Variants in ROR1 observed in about 807,000 individuals in gnomAD.
ROR1 encodes the protein ROR family WNT receptor 1.
A neutral mutation model predicts 78.8 loss-of-function variants in ROR1; 19 were observed. That is an observed-to-expected ratio of 0.24 (90% confidence interval 0.17 to 0.35). The LOEUF (loss-of-function observed/expected upper bound fraction) is 0.35, where lower values mean the gene tolerates loss of function less well. Among genes scored for constraint, ROR1 ranks in the 10% least tolerant of loss-of-function variants. The pLI, the probability that ROR1 is intolerant of heterozygous loss-of-function variation, is 1.00. For missense variants in ROR1, 917 were observed against 1,177.8 expected, an observed-to-expected ratio of 0.78 and a Z score of 3.24; for synonymous variants, 386 against 433.6, an observed-to-expected ratio of 0.89 and a Z score of 1.36.
chr1:63,805,814 A>G (rs1441071966), intron 1 of ROR1, among the ~76,000 whole-genome samples: 1 of 152,182 alleles, frequency 6.6e-6, no homozygotes, highest in Non-Finnish European at 1.5e-5. Context: ...ACAGGAGTTC[A>G]TGACCAGCCT....
At chr1:63,777,977 A>T (rs1385621432) in intron 1 of ROR1, among the ~76,000 whole-genome samples, 1 of 152,170 alleles carries the variant, frequency 6.6e-6, no homozygotes, top group African/African-American at 2.4e-5. Flanking sequence ...ATTTTCAAGG[A>T]TTTTTCCTTT....
At position 63,871,834 on chromosome 1, in the gene ROR1, A is replaced by G. The variant is rs1645253505; in HGVS notation, c.91+97326A>G. Among the ~76,000 whole-genome samples the G allele has an allele frequency of 1.3e-5, 2 of 152,214 alleles. 1 individual carries two copies. Among genetic ancestry groups the G allele is most frequent in the South Asian group, 4.1e-4 (2 of 4,832 alleles). The stretch of plus-strand genomic sequence containing the variant: ...TGGAATGGAAACCATCCAGAAAATG[A>G]TTAGGGAGCTTGAAGCTCTCTGAAA... On this transcript the variant is annotated intron_variant, in intron 1 of 8. Coordinates refer to ENST00000371079, the MANE Select transcript of ROR1 (RefSeq NM_005012.4).
chr1:63,941,311 T>C (rs1645837902), intron 1 of ROR1, among the ~76,000 whole-genome samples: 2 of 152,182 alleles, frequency 1.3e-5, no homozygotes, highest in African/African-American at 4.8e-5. Flanking sequence ...TATTCATCTG[T>C]AGTTCAGAAA....
intron 7 of ROR1, among the ~76,000 whole-genome samples, chr1:64,143,913 T>C (rs534909525): frequency 6.6e-6 from 1 of 152,250 alleles, no homozygotes; most frequent in African/African-American, 2.4e-5. Context: ...CTGACTTATA[T>C]GTTTGAAGGC....
At chr1:63,926,182 G>A (rs865830741) in intron 1 of ROR1, among the ~76,000 whole-genome samples, 10 of 148,674 alleles carry the variant, frequency 6.7e-5, no homozygotes, top group Admixed American at 3.4e-4. Flanking sequence ...ATCTTGAATT[G>A]ATTTTTGTAT....
At chr1:64,118,673 A>G (rs943516633) in intron 4 of ROR1, among the ~76,000 whole-genome samples, 11 of 147,570 alleles carry the variant, frequency 7.5e-5, no homozygotes, top group Non-Finnish European at 1.6e-4. Context: ...AATTAGATGG[A>G]CCTGATCCTA....
chr1:64,146,000 A>C (rs746097147), intron 7 of ROR1, among the ~76,000 whole-genome samples: 1 of 152,164 alleles, frequency 6.6e-6, no homozygotes, highest in Non-Finnish European at 1.5e-5. Flanking sequence ...TTATTGGTTG[A>C]TGTACAGAGG....
intron 4 of ROR1, among the ~76,000 whole-genome samples, chr1:64,080,687 A>G (rs1252569990): frequency 6.6e-6 from 1 of 152,242 alleles, no homozygotes; most frequent in Non-Finnish European, 1.5e-5. Context: ...GAGAAAAAAC[A>G]TCAGACATTT....
At chr1:64,124,929 C>A (rs574125219) in intron 4 of ROR1, among the ~76,000 whole-genome samples, 2 of 152,316 alleles carry the variant, frequency 1.3e-5, no homozygotes, top group African/African-American at 2.4e-5. Flanking sequence ...CTATTTCCAG[C>A]ACTGGTTCAT....
intron 4 of ROR1, among the ~76,000 whole-genome samples, chr1:64,088,181 T>C (rs566367409): frequency 1.2e-4 from 18 of 152,346 alleles, no homozygotes; most frequent in African/African-American, 4.1e-4. Flanking sequence ...TTCAGTACTA[T>C]TGAGCATGAG....
chr1:63,807,677 C>G (rs973989486), intron 1 of ROR1, among the ~76,000 whole-genome samples: 2 of 152,062 alleles, frequency 1.3e-5, no homozygotes, highest in African/African-American at 2.4e-5. Context: ...ACTGGGCACT[C>G]CTGAAGGCAG....
intron 1 of ROR1, among the ~76,000 whole-genome samples, chr1:63,782,944 G>C (rs1644661566): frequency 6.6e-6 from 1 of 152,138 alleles, no homozygotes; most frequent in Non-Finnish European, 1.5e-5. Flanking sequence ...GATATGATGT[G>C]AGCCTTGAAG....
intron 8 of ROR1, among the ~76,000 whole-genome samples, chr1:64,163,542 T>G (rs1199482955): frequency 6.6e-6 from 1 of 152,166 alleles, no homozygotes; most frequent in Non-Finnish European, 1.5e-5. Flanking sequence ...AGCTCCTGGC[T>G]GATGTAAGGA....
Position 64,179,022 on chromosome 1 carries a change from CAG to C in ROR1, c.*169_*170del. ...TTACCAAGCAGGACAGACACTCGGC[CAG>C]AAAAAAAAAAAAAAAAAAAAAACAA... On this transcript the variant is annotated 3_prime_UTR_variant, in exon 9 of 9. Coordinates refer to ENST00000371079, the MANE Select transcript of ROR1 (RefSeq NM_005012.4). 7.9e-4 allele frequency: 123 copies of C among 156,398 alleles called. No homozygotes were observed. The highest frequency in any genetic ancestry group is 2.0e-3 in the East Asian group (19 of 9,354). The allele number at this position is 156,398 out of a possible 1,614,324, so 9.7% of individuals were successfully genotyped here.
chr1:63,970,320 G>A (rs1646109255), intron 1 of ROR1, among the ~76,000 whole-genome samples: 1 of 152,134 alleles, frequency 6.6e-6, no homozygotes, highest in African/African-American at 2.4e-5. Context: ...CACTTTTTGT[G>A]TTTCTAGAAT....
intron 4 of ROR1, among the ~76,000 whole-genome samples, chr1:64,059,754 A>G (rs1646902532): frequency 6.6e-6 from 1 of 151,410 alleles, no homozygotes; most frequent in African/African-American, 2.4e-5. Flanking sequence ...TTAGCCTAGT[A>G]ACTAGTTAAT....
At chr1:64,141,271 G>A (rs146155661) in intron 6 of ROR1, among the ~76,000 whole-genome samples, 4 of 152,178 alleles carry the variant, frequency 2.6e-5, no homozygotes, top group Non-Finnish European at 4.4e-5. Context: ...ATTGGCTCAC[G>A]TGTGGTTCTG....
chr1:63,920,381 T>C (rs959923675), intron 1 of ROR1, among the ~76,000 whole-genome samples: 3 of 152,096 alleles, frequency 2.0e-5, no homozygotes, highest in African/African-American at 7.2e-5. Flanking sequence ...GTCTCATAGG[T>C]ATGGTTTAAT....
intron 7 of ROR1, among the ~76,000 whole-genome samples, chr1:64,154,226 C>G (rs1649707125): frequency 6.6e-6 from 1 of 152,222 alleles, no homozygotes; most frequent in Non-Finnish European, 1.5e-5. Flanking sequence ...CTGGGCCCAG[C>G]CTGCCAACTG....
Sources: gnomAD v4.1 joint callset for allele counts (sites outside exome capture counted in the v4.1 genomes callset) on GRCh38, gnomAD v4.1.1 for gene constraint, MANE v1.5 for transcripts, NCBI Gene and HGNC (gene_info 2026-07-23, HGNC 2026-07-21) for gene names.